The following ZAN variants were observed in gnomAD, a reference collection of about 807,000 sequenced individuals.
ZAN encodes zonadhesin, also known as zonadhesin (gene/pseudogene).
ZAN carries 260 observed loss-of-function variants against 286.2 expected under a neutral mutation model. That is an observed-to-expected ratio of 0.91 (90% confidence interval 0.82 to 1.01). ZAN has a LOEUF of 1.01. Among genes scored for constraint, ZAN ranks in the 50% least tolerant of loss-of-function variants. The pLI, the probability that ZAN is intolerant of heterozygous loss-of-function variation, is 0.00. For missense variants in ZAN, 3,410 were observed against 3,639.2 expected (o/e 0.94, Z 1.62); for synonymous variants, 1,368 against 1,417.5 (o/e 0.97, Z 0.79).
At position 100,773,229 on chromosome 7, in the gene ZAN, A is replaced by C. The variant is rs961131402; in HGVS notation, c.5426-56A>C. On this transcript the variant is annotated intron_variant, in intron 29 of 47. Coordinates refer to ENST00000613979, the MANE Select transcript of ZAN (RefSeq NM_003386.3). ...ACTACTAGGAGCTTTTGATGCCCCAAGGTTTGGGGGCTGGACATGCCACCC... is the reference window on the plus strand; with the variant it reads ...ACTACTAGGAGCTTTTGATGCCCCACGGTTTGGGGGCTGGACATGCCACCC... 94 of 1,591,156 alleles carry C rather than the reference A, an allele frequency of 5.9e-5. No homozygotes were observed. The African/African-American group carries it at 1.2e-3, about 20-fold the overall frequency.
chr7:100,792,396 CT>C lies in ZAN; in HGVS notation c.7713-8del, dbSNP rs767194105. On this transcript the variant is annotated splice_polypyrimidine_tract_variant and splice_region_variant and intron_variant, in intron 41 of 47. Transcript: ENST00000613979. ...TGACTGTGCCCTTCCTGCCCCCTCT[CT>C]GCACCAGGCACTGCGTGCTGGATCT... 6.2e-7 allele frequency: 1 copy of C among 1,603,020 alleles called. No individual in the cohort carries two copies. Among genetic ancestry groups the C allele is most frequent in the Admixed American group, 1.7e-5 (1 of 58,858 alleles).
rs1416053405 is a variant in ZAN, at chr7:100,786,223, G to A, written c.6979+82G>A. 4.4e-6 allele frequency: 7 copies of A among 1,573,086 alleles called. No individual in the cohort carries two copies. In the African/African-American group the frequency reaches 9.4e-5, roughly 21 times the overall value. ...TGGAGGAAGAGGCAGGGTGGGAAGG[G>A]GCTTAGCCTGAACCCCAGCACAGTC... On this transcript the variant is annotated intron_variant, in intron 37 of 47. Coordinates refer to ENST00000613979, the MANE Select transcript of ZAN (RefSeq NM_003386.3).
chr7:100,772,448 A>G (rs1810437440), intron 29 of ZAN, among the ~76,000 whole-genome samples: 1 of 151,644 alleles, frequency 6.6e-6, no homozygotes, highest in Admixed American at 6.6e-5. Flanking sequence ...AAAACAAAAC[A>G]AAACAAAAAG....
At chr7:100,746,903 C>T (rs953398676) in intron 8 of ZAN, among the ~76,000 whole-genome samples, 2 of 152,102 alleles carry the variant, frequency 1.3e-5, no homozygotes, top group African/African-American at 4.8e-5. Flanking sequence ...AGATCGAGAC[C>T]ATCCTGGCTA....
Position 100,787,928 on chromosome 7 carries a change from T to C in ZAN, c.7019T>C (p.Leu2340Pro). 2 of 1,570,222 alleles carry C rather than the reference T, an allele frequency of 1.3e-6. No homozygotes were observed. The highest frequency in any genetic ancestry group is 1.7e-6 in the Non-Finnish European group (2 of 1,151,182). ...QCSVYGDPRY[L>P]TFDGFSYRLQ... ...TCAGTCTATGGCGACCCCCGTTACC[T>C]CACATTTGACGGCTTCAGCTACCGC... The change falls in exon 38 of 48, where the codon CTC becomes CCC. Residue 2340 changes from leucine (L) to proline (P), a missense_variant. This residue lies in a region of ZAN where 1,289 missense variants were observed against 1,314.3 expected (regional missense o/e 0.98). Transcript: ENST00000613979.
Position 100,790,998 on chromosome 7 carries a change from G to T in ZAN, c.7414G>T (p.Asp2472Tyr). ...TGTGAGTGGCCTGTGCGGAAACTAC[G>T]ACAAGAACCGCAAGAATGACATGAT... is the stretch of plus-strand genomic sequence containing the variant. ...GLVSGLCGNYDKNRKNDMMLP... is the reference protein window; with the variant it reads ...GLVSGLCGNYYKNRKNDMMLP... Residue 2472 changes from aspartate to tyrosine, a missense_variant, in exon 40 of 48, where the codon GAC (aspartate) becomes TAC (tyrosine). Coordinates refer to ENST00000613979, the MANE Select transcript of ZAN (RefSeq NM_003386.3). 1 of 1,611,942 alleles carries T rather than the reference G, an allele frequency of 6.2e-7. No individual in the cohort carries two copies. The highest frequency in any genetic ancestry group is 1.7e-4 in the Middle Eastern group (1 of 6,060).
chr7:100,784,915 T>G, intron 36 of ZAN, 81 bp downstream of exon 36: 1 of 1,423,236 alleles, frequency 7.0e-7, no homozygotes, highest in Non-Finnish European at 9.3e-7. Flanking sequence ...TCTCTCAGCC[T>G]GGGATACCCA....
At position 100,763,851 on chromosome 7, in the gene ZAN, T is replaced by C; in HGVS notation, c.4032T>C (p.Ser1344=). The C allele has an allele frequency of 6.2e-7, 1 of 1,614,030 alleles. No homozygotes were observed. Among genetic ancestry groups the C allele is most frequent in the Non-Finnish European group, 8.5e-7 (1 of 1,179,888 alleles). ...QVVNSPSCDS[S]LQSSMSGPGF... Reference sequence around the variant, plus strand: ...TGAATTCCCCGTCTTGTGATTCATCTCTGCAGAGCAGCATGTCGGGGCCAG... The same window carrying C: ...TGAATTCCCCGTCTTGTGATTCATCCCTGCAGAGCAGCATGTCGGGGCCAG... Residue 1344 remains serine (S), a synonymous_variant, in exon 21 of 48, where the codon TCT becomes TCC. Coordinates refer to ENST00000613979, the MANE Select transcript of ZAN (RefSeq NM_003386.3). The surrounding 1 kb of genome is among the most constrained non-coding windows in gnomAD (Gnocchi z 4.6).
At chr7:100,747,514 T>G in intron 8 of ZAN, 36 bp from the exon 9 acceptor site, 1 of 1,597,776 alleles carries the variant, frequency 6.3e-7, no homozygotes, top group South Asian at 1.1e-5. Context: ...CCAGTCCCCT[T>G]AAGCTCACTT....
At chr7:100,792,309 G>A (rs1042582330) in intron 41 of ZAN, 96 bp from the exon 42 acceptor site, 3 of 1,518,124 alleles carry the variant, frequency 2.0e-6, no homozygotes, top group African/African-American at 2.8e-5. Flanking sequence ...ACCGACTGAT[G>A]TCTTTCTGTT....
chr7:100,737,029 C>A lies in ZAN; in HGVS notation c.474C>A (p.Ser158=). 1 of 1,499,690 alleles carries A rather than the reference C, an allele frequency of 6.7e-7. No individual in the cohort carries two copies. The highest frequency in any genetic ancestry group is 9.1e-7 in the Non-Finnish European group (1 of 1,096,104). The allele number at this position is 1,499,690 out of a possible 1,614,324, so 92.9% of individuals were successfully genotyped here. A position where few individuals can be genotyped will look rare whatever the true frequency, so the allele number is the denominator to read the frequency against. The change falls in exon 5 of 48, where the codon TCC becomes TCA. Residue 158 remains serine, a synonymous_variant. Transcript: ENST00000613979. ...AACACTGGAACACCCAGAGACCCTC[C>A]TGGATGCTCACCACCGTCACTGTGC... is the stretch of plus-strand genomic sequence containing the variant. ...LWKHWNTQRP[S]WMLTTVTVPA... is the part of the protein sequence containing the mutation.
At position 100,792,077 on chromosome 7, in the gene ZAN, TAG is replaced by T; in HGVS notation, c.7642_7643del (p.Arg2548GlyfsTer62). On this transcript the variant is annotated frameshift_variant, in exon 41 of 48. Coordinates refer to ENST00000613979, the MANE Select transcript of ZAN (RefSeq NM_003386.3). LOFTEE classifies it high-confidence loss of function. ...QLASNSTQAC[R>X]VLADPQGPFA... ...TGGCGAGCAACAGCACCCAGGCCTG[TAG>T]GGTGCTGGCAGACCCCCAGGGCCCC... 1 of 1,613,104 alleles carries T rather than the reference TAG, an allele frequency of 6.2e-7. No individual in the cohort carries two copies. The highest frequency in any genetic ancestry group is 1.8e-4 in the Middle Eastern group (1 of 5,642).
intron 42 of ZAN, 155 bp downstream of exon 42, chr7:100,792,634 T>G: frequency 1.4e-6 from 2 of 1,444,248 alleles, no homozygotes; most frequent in Non-Finnish European, 1.8e-6. Context: ...CATCTCGGGC[T>G]TTCTGTCTTA....
Position 100,768,671 on chromosome 7 carries a change from T to C in ZAN, c.5103T>C (p.Asp1701=). 1 of 1,609,944 alleles carries C rather than the reference T, an allele frequency of 6.2e-7. No homozygotes were observed. ...GCCCCGACAGAAAGCTTGCAGGCGA[T>C]TCCATGCAGCTGGGGGCCGCCTGGA... ...NLRPDRKLAG[D]SMQLGAAWKL... is the part of the protein sequence containing the mutation. Residue 1701 remains aspartate (D), a synonymous_variant, in exon 27 of 48, where the codon GAT becomes GAC. Transcript: ENST00000613979.
chr7:100,759,179 C>T (rs567426079), intron 17 of ZAN, among the ~76,000 whole-genome samples: 3 of 151,626 alleles, frequency 2.0e-5, no homozygotes, highest in Admixed American at 6.6e-5. Flanking sequence ...GAGCCAAGAT[C>T]GAGCCACTGC....
chr7:100,782,680 T>TG (rs1562951514), intron 35 of ZAN, among the ~76,000 whole-genome samples: 22 of 114,294 alleles, frequency 1.9e-4, no homozygotes, highest in Admixed American at 1.1e-3. Flanking sequence ...GTGGGTTTTT[T>TG]TTGTGTGTGT....
chr7:100,781,021 A>AT (rs1244812660), intron 35 of ZAN, among the ~76,000 whole-genome samples: 2 of 151,812 alleles, frequency 1.3e-5, no homozygotes, highest in Non-Finnish European at 2.9e-5. Flanking sequence ...ACGTCTTATT[A>AT]TTTTTTTGCC....
At chr7:100,767,704 C>A (rs1584596490) in intron 25 of ZAN, 127 bp from the exon 26 acceptor site, 9 of 1,074,372 alleles carry the variant, frequency 8.4e-6, no homozygotes, top group Non-Finnish European at 1.2e-5. Flanking sequence ...ATCTCGAGAT[C>A]CTGGGCTCAA....
Position 100,784,664 on chromosome 7 carries a change from C to T in ZAN, c.6664C>T (p.Pro2222Ser). The change falls in exon 36 of 48, where the codon CCC (proline) becomes TCC (serine). Residue 2222 changes from proline to serine, a missense_variant. By Grantham distance (74) the Pro-to-Ser change is moderately conservative. Coordinates refer to ENST00000613979, the MANE Select transcript of ZAN (RefSeq NM_003386.3). Reference protein sequence around the residue: ...PAYSSYTNCLPSCSPSCWDLD... With the variant: ...PAYSSYTNCLSSCSPSCWDLD... ...CTACAGCAGCTACACCAACTGCCTT[C>T]CCTCCTGCTCACCCTCCTGCTGGGA... The T allele has an allele frequency of 6.2e-7, 1 of 1,614,008 alleles. No homozygotes were observed. The highest frequency in any genetic ancestry group is 8.5e-7 in the Non-Finnish European group (1 of 1,179,894).
Sources: allele counts gnomAD v4.1 joint callset (sites outside exome capture counted in the v4.1 genomes callset), GRCh38; gene constraint gnomAD v4.1.1; regional missense constraint gnomAD v4.1.1; non-coding constraint Gnocchi (gnomAD v3.1); transcripts MANE v1.5; gene names NCBI Gene and HGNC (gene_info 2026-07-23, HGNC 2026-07-21).